The following VPS13B variants were observed in gnomAD, a reference collection of about 807,000 sequenced individuals.
VPS13B encodes the protein vacuolar protein sorting 13 homolog B.
VPS13B carries 285 observed loss-of-function variants against 426.4 expected under a neutral mutation model. The ratio of observed to expected loss-of-function variants is 0.67; its 90% CI spans 0.61 to 0.74. VPS13B has a LOEUF of 0.74. Ranked by LOEUF, VPS13B falls within the 30% of genes least tolerant of loss-of-function variation. The pLI, the probability that VPS13B is intolerant of heterozygous loss-of-function variation, is 0.00. For synonymous variants in VPS13B, 1,676 were observed against 1,676.4 expected (o/e 1.00, Z 0.01); for missense variants, 4,537 against 4,782.6 (o/e 0.95, Z 1.51).
Position 99,388,853 on chromosome 8 carries a change from A to G in VPS13B, c.2935-2704A>G, listed in dbSNP as rs76275802. On this transcript the variant is annotated intron_variant, in intron 20 of 61. Coordinates refer to ENST00000357162, the MANE Select transcript of VPS13B (RefSeq NM_152564.5). The stretch of plus-strand genomic sequence containing the variant: ...GGCCTTTTAATTCTTGCCTGTGTGA[A>G]AATACACTCAGAGTTGACTGGGCAC... Among the ~76,000 whole-genome samples the G allele has an allele frequency of 1.5e-3, 228 of 152,326 alleles. 1 individual carries two copies. Among genetic ancestry groups the G allele is most frequent in the African/African-American group, 5.3e-3 (221 of 41,574 alleles).
intron 24 of VPS13B, among the ~76,000 whole-genome samples, chr8:99,469,168 CTT>C (rs35646881): frequency 0.021 from 2,674 of 127,724 alleles, 71 homozygotes; most frequent in African/African-American, 0.071. Context: ...TCTTTCTTTC[CTT>C]TTTTTTTTTT....
At chr8:99,116,336 C>T (rs1008732419) in intron 7 of VPS13B, among the ~76,000 whole-genome samples, 2 of 150,954 alleles carry the variant, frequency 1.3e-5, no homozygotes, top group African/African-American at 4.9e-5. Flanking sequence ...CCAGCCTACA[C>T]TACTTTAATT....
intron 19 of VPS13B, among the ~76,000 whole-genome samples, chr8:99,308,087 T>G (rs1176072104): frequency 6.6e-6 from 1 of 152,092 alleles, no homozygotes; most frequent in East Asian, 1.9e-4. Context: ...TGATTTCTAG[T>G]TTTATCCCAT....
chr8:99,784,361 T>A lies in VPS13B; in HGVS notation c.7826T>A (p.Ile2609Asn). 6.2e-7 allele frequency: 1 copy of A among 1,613,752 alleles called. No homozygotes were observed. The highest frequency in any genetic ancestry group is 8.5e-7 in the Non-Finnish European group (1 of 1,179,706). ...GAGTTGGTCTTCAGCCATTTTGTGA[T>A]CTGTAATGACACACAGGAGACACTG... ...VEELVFSHFV[I>N]CNDTQETLRF... Residue 2609 changes from isoleucine to asparagine, a missense_variant, in exon 43 of 62, where the codon ATC (isoleucine) becomes AAC (asparagine). Transcript: ENST00000357162.
In VPS13B at chr8:99,241,714, TTG is replaced by T. The variant is rs1816941592; in HGVS notation, c.2516-32482_2516-32481del. The stretch of plus-strand genomic sequence containing the variant: ...GAACCTTTGAAAGAAGCAATTTTTT[TTG>T]TTTCTTTTAATATGTCTTCTCTAAC... On this transcript the variant is annotated intron_variant, in intron 17 of 61. Transcript: ENST00000357162. Among the ~76,000 whole-genome samples the T allele has an allele frequency of 3.9e-5, 6 of 152,332 alleles. No homozygotes were observed. In the South Asian group the frequency reaches 1.2e-3, roughly 32 times the overall value.
intron 35 of VPS13B, chr8:99,697,538 G>A: frequency 1.4e-6 from 1 of 724,814 alleles, no homozygotes; most frequent in Non-Finnish European, 2.5e-6. Flanking sequence ...GCTGCTGAAG[G>A]AGGACGTGCA....
intron 2 of VPS13B, among the ~76,000 whole-genome samples, chr8:99,030,449 T>TATGA (rs1224317859): frequency 8.7e-4 from 110 of 126,072 alleles, no homozygotes; most frequent in African/African-American, 3.0e-3. Context: ...ATTGTCCCAG[T>TATGA]ATGAGTGAGT....
intron 19 of VPS13B, among the ~76,000 whole-genome samples, chr8:99,358,448 C>T (rs561932891): frequency 6.6e-6 from 1 of 152,030 alleles, no homozygotes; most frequent in African/African-American, 2.4e-5. Context: ...TTTCATCTGA[C>T]AGTAGTGTAA....
intron 54 of VPS13B, among the ~76,000 whole-genome samples, chr8:99,841,724 G>C (rs986105301): frequency 2.0e-5 from 3 of 152,122 alleles, no homozygotes; most frequent in African/African-American, 7.2e-5. Flanking sequence ...TAGGCCACCA[G>C]CTTCTATCAG....
intron 31 of VPS13B, among the ~76,000 whole-genome samples, chr8:99,569,384 A>AC (rs1825356812): frequency 6.6e-6 from 1 of 151,630 alleles, no homozygotes; most frequent in Non-Finnish European, 1.5e-5. Context: ...AGCCAAGATC[A>AC]TGCCACTCCA....
At chr8:99,644,974 G>A (rs922340663) in intron 34 of VPS13B, among the ~76,000 whole-genome samples, 1 of 152,164 alleles carries the variant, frequency 6.6e-6, no homozygotes, top group African/African-American at 2.4e-5. Flanking sequence ...AAGGTTTAGA[G>A]AAGTTAAGTA....
At chr8:99,665,576 A>T (rs1314979929) in intron 35 of VPS13B, among the ~76,000 whole-genome samples, 1 of 152,184 alleles carries the variant, frequency 6.6e-6, no homozygotes, top group Non-Finnish European at 1.5e-5. Context: ...TAAATAGGGA[A>T]TCCTTTCCCC....
chr8:99,100,591 G>GA (rs754444819), intron 4 of VPS13B, among the ~76,000 whole-genome samples: 94 of 152,134 alleles, frequency 6.2e-4, no homozygotes, highest in Middle Eastern at 3.4e-3. Flanking sequence ...TGCCCAGCCA[G>GA]AAAATATTTT....
rs1374921375 is a variant in VPS13B at position 99,861,982 on chromosome 8, C to G, written c.11215+36C>G. On this transcript the variant is annotated intron_variant, in intron 58 of 61. Coordinates refer to ENST00000357162, the MANE Select transcript of VPS13B (RefSeq NM_152564.5). ...GCGGGGCCTCCCACCTGTCTGTACT[C>G]CAGCAGGCTGAGATGCAGGGTCTCC... The G allele has an allele frequency of 5.8e-6, 9 of 1,548,272 alleles. No homozygotes were observed. In the East Asian group the frequency reaches 1.9e-4, roughly 33 times the overall value.
chr8:99,127,864 A>G (rs1809513486), intron 8 of VPS13B, among the ~76,000 whole-genome samples: 1 of 152,166 alleles, frequency 6.6e-6, no homozygotes, highest in Admixed American at 6.5e-5. Flanking sequence ...AGGGACATGC[A>G]TTGGTTTTAT....
intron 33 of VPS13B, 148 bp from the exon 34 acceptor site, chr8:99,641,663 G>A (rs1829367767): frequency 5.6e-6 from 4 of 711,324 alleles, no homozygotes; most frequent in Admixed American, 6.5e-5. Context: ...TAGAAAATGG[G>A]CACCTATTCT....
At chr8:99,696,787 A>G (rs1413991536) in intron 35 of VPS13B, 3 of 1,412,598 alleles carry the variant, frequency 2.1e-6, no homozygotes, top group African/African-American at 1.4e-5. Context: ...TTTCCAAATT[A>G]TTTGAGAATG....
At chr8:99,493,780 TAA>T (rs376555643) in intron 25 of VPS13B, among the ~76,000 whole-genome samples, 4 of 61,150 alleles carry the variant, frequency 6.5e-5, no homozygotes, top group Admixed American at 2.0e-4. Flanking sequence ...AGACTCTATC[TAA>T]AAAAAAAAAA....
chr8:99,566,937 C>CACTTATAGTTCACTGTGTT (rs1825218821), intron 31 of VPS13B, among the ~76,000 whole-genome samples: 1 of 152,136 alleles, frequency 6.6e-6, no homozygotes, highest in Non-Finnish European at 1.5e-5. Context: ...CTCACTGTGT[C>CACTTATAGTTCACTGTGTT]ACTTATAGTT....
Sources: gnomAD v4.1 joint callset for allele counts (sites outside exome capture counted in the v4.1 genomes callset) on GRCh38, gnomAD v4.1.1 for gene constraint, MANE v1.5 for transcripts, NCBI Gene and HGNC (gene_info 2026-07-23, HGNC 2026-07-21) for gene names.